Variants in CLPB observed in about 807,000 individuals in gnomAD.
CLPB encodes the protein ClpB family mitochondrial disaggregase.
A neutral mutation model predicts 78.4 loss-of-function variants in CLPB; 40 were observed. That is an observed-to-expected ratio of 0.51 (90% CI 0.40 to 0.66). CLPB has a LOEUF of 0.66. CLPB is among the 30% of genes least tolerant of loss of function. The pLI is 0.00. For missense variants in CLPB, 780 were observed against 886.9 expected, an observed-to-expected ratio of 0.88 and a Z score of 1.53; for synonymous variants, 333 against 348.0, an observed-to-expected ratio of 0.96 and a Z score of 0.48.
intron 4 of CLPB, among the ~76,000 whole-genome samples, chr11:72,366,915 C>G (rs1294472167): frequency 6.6e-6 from 1 of 152,132 alleles, no homozygotes; most frequent in East Asian, 1.9e-4. Context: ...CAAAAAGAAA[C>G]AGGCACTCAT....
At chr11:72,355,728 T>G (rs931153129) in intron 5 of CLPB, among the ~76,000 whole-genome samples, 4 of 152,204 alleles carry the variant, frequency 2.6e-5, no homozygotes, top group African/African-American at 9.6e-5. Context: ...CTTTCCACAT[T>G]ATCAGCCTGA....
intron 5 of CLPB, among the ~76,000 whole-genome samples, chr11:72,335,878 T>G (rs572886411): frequency 6.0e-4 from 92 of 152,314 alleles, no homozygotes; most frequent in Non-Finnish European, 1.2e-3. Flanking sequence ...ACCTTTATGA[T>G]AGCAATACAA....
chr11:72,368,894 T>C (rs1950991877), intron 4 of CLPB, among the ~76,000 whole-genome samples: 1 of 152,184 alleles, frequency 6.6e-6, no homozygotes, highest in Non-Finnish European at 1.5e-5. Flanking sequence ...GGAAGTTTTC[T>C]CCTTAGGAAT....
At chr11:72,400,343 A>G (rs1265402557) in intron 3 of CLPB, among the ~76,000 whole-genome samples, 1 of 152,078 alleles carries the variant, frequency 6.6e-6, no homozygotes, top group Non-Finnish European at 1.5e-5. Flanking sequence ...AATTAGTCCT[A>G]GGAACCAAAG....
chr11:72,324,309 T>G (rs1450436827), intron 6 of CLPB, among the ~76,000 whole-genome samples: 1 of 152,190 alleles, frequency 6.6e-6, no homozygotes, highest in Non-Finnish European at 1.5e-5. Flanking sequence ...GGCTCATGCC[T>G]ATAATCCCAG....
chr11:72,307,992 G>T (rs1234255212), intron 8 of CLPB, among the ~76,000 whole-genome samples: 5 of 152,166 alleles, frequency 3.3e-5, no homozygotes, highest in Non-Finnish European at 5.9e-5. Flanking sequence ...TGGTAGTGAA[G>T]GAATGGGGGG....
At position 72,358,906 on chromosome 11, in the gene CLPB, C is replaced by A; in HGVS notation, c.749G>T (p.Arg250Leu). The A allele has an allele frequency of 1.9e-6, 3 of 1,606,192 alleles. No homozygotes were observed. The highest frequency in any genetic ancestry group is 1.7e-4 in the Middle Eastern group (1 of 6,032). Residue 250 changes from arginine to leucine, a missense_variant, in exon 5 of 16, where the codon CGC (arginine) becomes CTC (leucine). Transcript: ENST00000538039. ...TCCATCAAGCAGCTCCTTGACAGTGCGGTAGTCATCAGCAAGAACAGCATA... is the reference window on the plus strand; with the variant it reads ...TCCATCAAGCAGCTCCTTGACAGTGAGGTAGTCATCAGCAAGAACAGCATA... Reference protein sequence around the residue: ...LHYAVLADDYRTVKELLDGGA... With the variant: ...LHYAVLADDYLTVKELLDGGA...
At chr11:72,299,433 C>G (rs1466123257) in intron 11 of CLPB, among the ~76,000 whole-genome samples, 1 of 152,166 alleles carries the variant, frequency 6.6e-6, no homozygotes, top group Non-Finnish European at 1.5e-5. Context: ...GCCCTGTTTA[C>G]CTTACCTACC....
chr11:72,310,245 T>C (rs1466388389), intron 7 of CLPB, among the ~76,000 whole-genome samples: 3 of 152,146 alleles, frequency 2.0e-5, no homozygotes, highest in South Asian at 2.1e-4. Context: ...TAGAAACAGA[T>C]GGAAGCTGTG....
At position 72,434,378 on chromosome 11, in the gene CLPB, A is replaced by T. The variant is rs142735774; in HGVS notation, c.97T>A (p.Ser33Thr). Reference protein sequence around the residue: ...SPTLRGHGGASGRNVTTGSLG... With the variant: ...SPTLRGHGGATGRNVTTGSLG... The stretch of plus-strand genomic sequence containing the variant: ...CTCCCAGTAGTCACATTCCGGCCGG[A>T]AGCACCTCCATGGCCCCGGAGCGTT... Residue 33 changes from serine to threonine, a missense_variant, in exon 1 of 16, where the codon TCC (serine) becomes ACC (threonine). Ser to Thr is a moderately conservative substitution (Grantham distance 58, BLOSUM62 1). Coordinates refer to ENST00000538039, the MANE Select transcript of CLPB (RefSeq NM_001258392.3). 4 of 1,611,414 alleles carry T rather than the reference A, an allele frequency of 2.5e-6. No individual in the cohort carries two copies. Among genetic ancestry groups the T allele is most frequent in the African/African-American group, 2.7e-5 (2 of 74,792 alleles).
At chr11:72,308,894 T>A (rs1035465526) in intron 7 of CLPB, among the ~76,000 whole-genome samples, 3 of 151,812 alleles carry the variant, frequency 2.0e-5, no homozygotes, top group Non-Finnish European at 4.4e-5. Flanking sequence ...GGATGGTGAA[T>A]GGAGGTGAAG....
chr11:72,325,077 G>C (rs1950108169), intron 6 of CLPB, among the ~76,000 whole-genome samples: 1 of 151,542 alleles, frequency 6.6e-6, no homozygotes, highest in Non-Finnish European at 1.5e-5. Context: ...TGGGAGTGGA[G>C]ATGCAGGCTG....
Position 72,294,094 on chromosome 11 carries a change from C to T in CLPB, c.1713G>A (p.Trp571Ter). The change falls in exon 15 of 16, where the codon TGG becomes TGA. Residue 571 changes from tryptophan to a stop codon, truncating the protein, a stop_gained. Transcript: ENST00000538039. LOFTEE classifies it high-confidence loss of function. Reference protein sequence around the residue: ...AKQRHNITLLWDREVADVLVD... With the variant: ...AKQRHNITLL ...CCAGCACATCTGCCACCTCGCGGTC[C>T]CAGAGCAGCGTGATGTTGTGCCTTT... The T allele has an allele frequency of 6.2e-7, 1 of 1,614,164 alleles. No homozygotes were observed. The highest frequency in any genetic ancestry group is 8.5e-7 in the Non-Finnish European group (1 of 1,180,012).
At position 72,317,205 on chromosome 11, in the gene CLPB, G is replaced by T; in HGVS notation, c.889C>A (p.Arg297=). Residue 297 remains arginine, a synonymous_variant, in exon 7 of 16, where the codon CGG becomes AGG. Transcript: ENST00000538039. ...TSEAKYQEKQ[R]KREAEERRRF... ...CGCCGCTCCTCAGCCTCACGCTTCC[G>T]CTGCTTCTCTTGGTACTGTGGGGAG... The T allele has an allele frequency of 6.2e-7, 1 of 1,610,242 alleles. No homozygotes were observed. Among genetic ancestry groups the T allele is most frequent in the South Asian group, 1.1e-5 (1 of 90,470 alleles).
At chr11:72,377,969 TC>T (rs1246741998) in intron 4 of CLPB, among the ~76,000 whole-genome samples, 1 of 152,248 alleles carries the variant, frequency 6.6e-6, no homozygotes, top group Non-Finnish European at 1.5e-5. Context: ...ATGTTTACTA[TC>T]TGGCTCTTTC....
intron 4 of CLPB, 44 bp from the exon 5 acceptor site, chr11:72,359,052 A>G (rs1286026494): frequency 6.2e-7 from 1 of 1,610,482 alleles, no homozygotes; most frequent in East Asian, 2.2e-5. Context: ...CAACGACAGC[A>G]TGAGCCACCA....
chr11:72,323,763 T>C (rs550125894), intron 6 of CLPB, among the ~76,000 whole-genome samples: 248 of 152,238 alleles, frequency 1.6e-3, no homozygotes, highest in Non-Finnish European at 3.0e-3. Context: ...AGGAGAATTA[T>C]TAGGACAACT....
At chr11:72,411,229 C>T (rs1855868351) in intron 2 of CLPB, among the ~76,000 whole-genome samples, 5 of 152,204 alleles carry the variant, frequency 3.3e-5, no homozygotes, top group Admixed American at 3.3e-4. Flanking sequence ...CTCACCAATA[C>T]TTCTGTCTGG....
intron 4 of CLPB, among the ~76,000 whole-genome samples, chr11:72,363,191 G>C (rs1449681179): frequency 4.0e-5 from 6 of 148,650 alleles, no homozygotes; most frequent in African/African-American, 1.5e-4. Context: ...GGAAGGAAGG[G>C]AAGGGAAGGG....
Sources: allele counts gnomAD v4.1 joint callset (sites outside exome capture counted in the v4.1 genomes callset), GRCh38; gene constraint gnomAD v4.1.1; transcripts MANE v1.5; gene names NCBI Gene and HGNC (gene_info 2026-07-23, HGNC 2026-07-21).